Variants in PFKP observed in about 807,000 individuals in gnomAD.
The protein encoded by PFKP is ATP-dependent 6-phosphofructokinase, platelet type.
Under a neutral mutation model 94.3 loss-of-function variants are expected in PFKP, and 101 were observed. The ratio of observed to expected loss-of-function variants is 1.07; its 90% CI spans 0.91 to 1.26. The LOEUF (loss-of-function observed/expected upper bound fraction) is 1.26, where lower values mean the gene tolerates loss of function less well. Among genes scored for constraint, PFKP ranks in the 50% most tolerant of loss-of-function variants. The pLI is 0.00. For synonymous variants in PFKP, 573 were observed against 432.6 expected (o/e 1.32, Z -4.03); for missense variants, 1,145 against 1,103.3 (o/e 1.04, Z -0.53).
Position 3,129,995 on chromosome 10 carries a change from G to A in PFKP, c.1848+12G>A. 6.4e-7 allele frequency: 1 copy of A among 1,561,112 alleles called. No individual in the cohort carries two copies. Among genetic ancestry groups the A allele is most frequent in the Non-Finnish European group, 8.7e-7 (1 of 1,150,122 alleles). ...TCAGGGATCTGCAGGTATGTGACGG[G>A]GCTGGCCTCAGGGCCCGTCCCCTTG... On this transcript the variant is annotated intron_variant, in intron 17 of 21. Coordinates refer to ENST00000381125, the MANE Select transcript of PFKP (RefSeq NM_002627.5).
intron 2 of PFKP, among the ~76,000 whole-genome samples, chr10:3,095,499 G>A (rs1834410976): frequency 6.6e-6 from 1 of 152,204 alleles, no homozygotes; most frequent in East Asian, 1.9e-4. Flanking sequence ...CCAACGAGGA[G>A]CTCTAAGGTT....
In PFKP at chr10:3,132,424, G is replaced by A; in HGVS notation, c.1893G>A (p.Gln631=). Residue 631 remains glutamine (Q), a synonymous_variant, in exon 18 of 22, where the codon CAG becomes CAA. Transcript: ENST00000381125. ...CGGAGAAAATGAAGACCACCATCCA[G>A]AGAGGCCTTGTGCTCAGGTGAGAGA... ...HLTEKMKTTI[Q]RGLVLRNESC... 1 of 1,611,320 alleles carries A rather than the reference G, an allele frequency of 6.2e-7. No individual in the cohort carries two copies. Among genetic ancestry groups the A allele is most frequent in the Non-Finnish European group, 8.5e-7 (1 of 1,177,468 alleles).
intron 13 of PFKP, among the ~76,000 whole-genome samples, chr10:3,114,158 T>TTC (rs1485629372): frequency 6.6e-6 from 1 of 151,162 alleles, no homozygotes; most frequent in African/African-American, 2.4e-5. Context: ...TGAAATTCTT[T>TTC]TTTTTTTTTG....
At position 3,107,962 on chromosome 10, in the gene PFKP, A is replaced by T. The variant is rs1266124862; in HGVS notation, c.870+653A>T. On this transcript the variant is annotated intron_variant, in intron 8 of 21. Coordinates refer to ENST00000381125, the MANE Select transcript of PFKP (RefSeq NM_002627.5). ...CAGCCACGGGGCAGAAGACGTCCCCACCTGGCTTTGCAAGTCGGCTTCTTT... is the reference window on the plus strand; with the variant it reads ...CAGCCACGGGGCAGAAGACGTCCCCTCCTGGCTTTGCAAGTCGGCTTCTTT... 3 of 1,289,596 alleles carry T rather than the reference A, an allele frequency of 2.3e-6. No homozygotes were observed. In the African/African-American group the frequency reaches 4.6e-5, roughly 20 times the overall value. 79.9% of individuals were successfully genotyped at this position (1,289,596 alleles called of 1,614,324 possible).
intron 1 of PFKP, among the ~76,000 whole-genome samples, chr10:3,079,476 T>C (rs866473363): frequency 3.3e-5 from 5 of 152,008 alleles, no homozygotes; most frequent in Non-Finnish European, 5.9e-5. Context: ...CCTCGTGATC[T>C]GCCCACCTAG....
chr10:3,125,010 C>G, intron 16 of PFKP: 1 of 1,054,820 alleles, frequency 9.5e-7, no homozygotes, highest in Non-Finnish European at 1.2e-6. Context: ...AGTCCCCTCC[C>G]GTCCCTTCCT....
chr10:3,099,177 C>T, intron 2 of PFKP, 98 bp from the exon 3 acceptor site: 1 of 924,970 alleles, frequency 1.1e-6, no homozygotes, highest in Non-Finnish European at 1.8e-6. Context: ...GAGGAACTGA[C>T]ATTCACTGTC....
chr10:3,134,476 C>T lies in PFKP; in HGVS notation c.2023-7C>T, dbSNP rs1188740474. 2 of 1,571,326 alleles carry T rather than the reference C, an allele frequency of 1.3e-6. No individual in the cohort carries two copies. The highest frequency in any genetic ancestry group is 1.1e-5 in the South Asian group (1 of 90,246). On this transcript the variant is annotated splice_polypyrimidine_tract_variant and splice_region_variant and intron_variant, in intron 19 of 21. Transcript: ENST00000381125. Reference sequence around the variant, plus strand: ...CTGGTATTTCATATAACTCTAACCACCAACAGGGTGGGGCACCCTCTCCAT... The same window carrying T: ...CTGGTATTTCATATAACTCTAACCATCAACAGGGTGGGGCACCCTCTCCAT...
chr10:3,079,306 C>A (rs1832840197), intron 1 of PFKP, among the ~76,000 whole-genome samples: 2 of 151,922 alleles, frequency 1.3e-5, no homozygotes, highest in Admixed American at 1.3e-4. Flanking sequence ...ATGATCTCAG[C>A]TCACTGCAAG....
intron 19 of PFKP, among the ~76,000 whole-genome samples, chr10:3,134,171 A>C (rs2306310): frequency 0.14 from 21,930 of 152,216 alleles, 1,638 homozygotes; most frequent in African/African-American, 0.18. Flanking sequence ...AACGGTTATC[A>C]GATTAAAGCT....
At chr10:3,086,181 T>A (rs1382862327) in intron 2 of PFKP, among the ~76,000 whole-genome samples, 2 of 152,220 alleles carry the variant, frequency 1.3e-5, no homozygotes, top group Non-Finnish European at 2.9e-5. Flanking sequence ...ACAGAATGTT[T>A]CCCAGGATGC....
intron 3 of PFKP, among the ~76,000 whole-genome samples, chr10:3,099,729 A>G (rs144110469): frequency 6.6e-6 from 1 of 152,294 alleles, no homozygotes; most frequent in African/African-American, 2.4e-5. Flanking sequence ...GCAAAACATC[A>G]GGAGAGTGTG....
intron 2 of PFKP, among the ~76,000 whole-genome samples, chr10:3,097,504 T>A (rs1446384769): frequency 6.6e-6 from 1 of 152,060 alleles, no homozygotes; most frequent in East Asian, 1.9e-4. Context: ...GTTTAGAAGA[T>A]GTTCTGCTGT....
At chr10:3,101,610 G>T in intron 4 of PFKP, 56 bp downstream of exon 4, 1 of 1,262,954 alleles carries the variant, frequency 7.9e-7, no homozygotes, top group East Asian at 2.7e-5. Context: ...TCAGAGCTTT[G>T]GAACCGACAG....
rs760595818 is a variant in PFKP, at chr10:3,136,754, C to T, written c.*175C>T. On this transcript the variant is annotated 3_prime_UTR_variant, in exon 22 of 22. Coordinates refer to ENST00000381125, the MANE Select transcript of PFKP (RefSeq NM_002627.5). ...GTCTGTGGAGTGTGTCTCATGCTTT[C>T]AGATGTGCATATGAGCAGAATTAAT... The T allele has an allele frequency of 2.1e-5, 12 of 584,210 alleles. No individual in the cohort carries two copies. Among genetic ancestry groups the T allele is most frequent in the Middle Eastern group, 4.8e-4 (1 of 2,086 alleles). The allele number at this position is 584,210 out of a possible 1,614,324, so 36.2% of individuals were successfully genotyped here.
At position 3,090,674 on chromosome 10, in the gene PFKP, G is replaced by T. The variant is rs934794835; in HGVS notation, c.186+8213G>T. Among the ~76,000 whole-genome samples, 3 of 152,072 alleles carry T rather than the reference G, an allele frequency of 2.0e-5. No homozygotes were observed. The South Asian group carries it at 6.3e-4, about 32-fold the overall frequency. ...GGCGGTCCTTTGACTCTCAGGATGC[G>T]GAGCAGCACCCCTGTGTCCACCTAC... On this transcript the variant is annotated intron_variant, in intron 2 of 21. Coordinates refer to ENST00000381125, the MANE Select transcript of PFKP (RefSeq NM_002627.5).
chr10:3,102,250 C>CCAAAAAAAAAA (rs1835088878), intron 4 of PFKP, among the ~76,000 whole-genome samples: 10 of 54,774 alleles, frequency 1.8e-4, no homozygotes. Context: ...GACTCTGTCT[C>CCAAAAAAAAAA]AAAAAAAAAA....
chr10:3,105,599 T>C, intron 7 of PFKP, 98 bp downstream of exon 7: 1 of 814,218 alleles, frequency 1.2e-6, no homozygotes, highest in South Asian at 1.5e-5. Flanking sequence ...AGTGAAAAAA[T>C]TTCTCTGTCT....
intron 2 of PFKP, among the ~76,000 whole-genome samples, chr10:3,090,427 C>G (rs1300927321): frequency 6.6e-6 from 1 of 152,186 alleles, no homozygotes; most frequent in Non-Finnish European, 1.5e-5. Flanking sequence ...GGCAGAGGAG[C>G]TGTTTGACTG....
Sources: allele counts gnomAD v4.1 joint callset (sites outside exome capture counted in the v4.1 genomes callset), GRCh38; gene constraint gnomAD v4.1.1; transcripts MANE v1.5; gene names NCBI Gene and HGNC (gene_info 2026-07-23, HGNC 2026-07-21).